Variants in ITGA11 observed in about 807,000 individuals in gnomAD.
The protein encoded by ITGA11 is integrin alpha-11.
Under a neutral mutation model 141.9 loss-of-function variants are expected in ITGA11, and 97 were observed. That is an observed-to-expected ratio of 0.68 (90% CI 0.58 to 0.81). ITGA11 has a LOEUF of 0.81. ITGA11 is among the 30% of genes least tolerant of loss of function. The pLI is 0.00. For missense variants in ITGA11, 1,387 were observed against 1,559.2 expected (o/e 0.89, Z 1.86); for synonymous variants, 658 against 624.6 (o/e 1.05, Z -0.80).
In ITGA11 at chr15:68,316,457, C is replaced by A. The variant is rs138676020; in HGVS notation, c.2716-730G>T. On this transcript the variant is annotated intron_variant, in intron 21 of 29. Transcript: ENST00000315757. The stretch of plus-strand genomic sequence containing the variant: ...GGAGACCTCAGCGGCCCCTTCTCTG[C>A]AGGAGTGGCTGGGCGTGGGTGGGGA... Among the ~76,000 whole-genome samples, 8 of 152,368 alleles carry A rather than the reference C, an allele frequency of 5.3e-5. No individual in the cohort carries two copies. In the East Asian group the frequency reaches 1.5e-3, roughly 29 times the overall value.
rs189531907 is a variant in ITGA11 at position 68,429,909 on chromosome 15, T to A, written c.52+2106A>T. Among the ~76,000 whole-genome samples the A allele has an allele frequency of 1.2e-3, 176 of 152,322 alleles. 4 individuals are homozygous for A. The highest frequency in any genetic ancestry group is 0.011 in the Admixed American group (176 of 15,306). On this transcript the variant is annotated intron_variant, in intron 1 of 29. Transcript: ENST00000315757. ...CTCCAGGAAGCCTTCCTTGCTTATC[T>A]GGCTGAAATTGAACTTCTCTTGTTT...
intron 2 of ITGA11, among the ~76,000 whole-genome samples, chr15:68,396,554 C>T (rs1896246648): frequency 6.6e-6 from 1 of 151,638 alleles, no homozygotes; most frequent in African/African-American, 2.4e-5. Flanking sequence ...TCTTTTTGAC[C>T]TTGCACTGAA....
At chr15:68,357,893 G>A (rs528908923) in intron 6 of ITGA11, among the ~76,000 whole-genome samples, 10 of 152,244 alleles carry the variant, frequency 6.6e-5, no homozygotes, top group Admixed American at 5.9e-4. Context: ...CTGGTGATGG[G>A]GAACTCATTA....
intron 7 of ITGA11, among the ~76,000 whole-genome samples, chr15:68,354,539 G>A (rs907502571): frequency 6.6e-6 from 1 of 152,210 alleles, no homozygotes; most frequent in Non-Finnish European, 1.5e-5. Context: ...GTGGTCAAAA[G>A]GAGCACATCT....
In ITGA11 at chr15:68,304,162, C is replaced by A. The variant is rs1344216304; in HGVS notation, c.3382-277G>T. ...GGCCCCCGCCACTCCCTGGATCCTC[C>A]TCCCACCACATGGGCTACTCCTTCT... On this transcript the variant is annotated intron_variant, in intron 28 of 29. Coordinates refer to ENST00000315757, the MANE Select transcript of ITGA11 (RefSeq NM_001004439.2). This position sits in a 1 kb window ranked among gnomAD's most constrained non-coding sequence, Gnocchi z 6.1. 6.6e-6 allele frequency among the ~76,000 whole-genome samples: 1 copy of A among 152,228 alleles called. No individual in the cohort carries two copies. Among genetic ancestry groups the A allele is most frequent in the African/African-American group, 2.4e-5 (1 of 41,464 alleles).
intron 6 of ITGA11, among the ~76,000 whole-genome samples, chr15:68,357,747 T>A (rs1474833667): frequency 6.6e-6 from 1 of 152,098 alleles, no homozygotes; most frequent in African/African-American, 2.4e-5. Flanking sequence ...AGCATCAAAA[T>A]AAACAAAAAG....
At chr15:68,344,554 G>A (rs1894682098) in intron 10 of ITGA11, among the ~76,000 whole-genome samples, 1 of 152,052 alleles carries the variant, frequency 6.6e-6, no homozygotes, top group African/African-American at 2.4e-5. Context: ...AGCTCATCTG[G>A]GATGTTTATA....
chr15:68,363,906 G>A (rs951226493), intron 4 of ITGA11, among the ~76,000 whole-genome samples: 1 of 152,172 alleles, frequency 6.6e-6, no homozygotes, highest in Non-Finnish European at 1.5e-5. Context: ...GCCTGCTGCT[G>A]TCTGTCCCCC....
At chr15:68,389,210 C>T (rs1268923160) in intron 2 of ITGA11, among the ~76,000 whole-genome samples, 2 of 152,218 alleles carry the variant, frequency 1.3e-5, no homozygotes, top group Non-Finnish European at 2.9e-5. Context: ...TGGAAATTAA[C>T]TCTCTCTCCC....
intron 1 of ITGA11, among the ~76,000 whole-genome samples, chr15:68,405,657 C>T (rs747211101): frequency 8.6e-5 from 13 of 152,020 alleles, no homozygotes; most frequent in Non-Finnish European, 1.3e-4. Context: ...AACACAGGTC[C>T]CTGGCCAGTG....
chr15:68,379,051 G>T (rs1374171490), intron 2 of ITGA11, among the ~76,000 whole-genome samples: 1 of 152,202 alleles, frequency 6.6e-6, no homozygotes, highest in East Asian at 1.9e-4. Context: ...AATAAAAGTA[G>T]CCAACTTGTG....
intron 7 of ITGA11, 111 bp from the exon 8 acceptor site, chr15:68,351,513 C>T: frequency 8.2e-7 from 1 of 1,216,210 alleles, no homozygotes; most frequent in Non-Finnish European, 1.2e-6. Context: ...CCTCCTTGGG[C>T]AACCCAACAG....
chr15:68,321,380 G>A lies in ITGA11; in HGVS notation c.2408+38C>T. On this transcript the variant is annotated intron_variant, in intron 19 of 29. Transcript: ENST00000315757. This position sits in a 1 kb window ranked among gnomAD's most constrained non-coding sequence, Gnocchi z 4.9. ...GCCCCAGAGCCTCTGGCAGTGAAGG[G>A]GAAGGGGCGAGGGTGGGGGTGGAAG... The A allele has an allele frequency of 7.3e-7, 1 of 1,377,214 alleles. No individual in the cohort carries two copies. Among genetic ancestry groups the A allele is most frequent in the Non-Finnish European group, 9.9e-7 (1 of 1,007,416 alleles). 85.3% of individuals were successfully genotyped at this position (1,377,214 alleles called of 1,614,324 possible). A position where few individuals can be genotyped will look rare whatever the true frequency, so the allele number is the denominator to read the frequency against.
chr15:68,317,193 C>A lies in ITGA11; in HGVS notation c.2715+72G>T, dbSNP rs141768414. 8.8e-4 allele frequency: 945 copies of A among 1,068,666 alleles called. 8 individuals carry two copies. In the African/African-American group the frequency reaches 0.014, roughly 16 times the overall value. The allele number at this position is 1,068,666 out of a possible 1,614,324, so 66.2% of individuals were successfully genotyped here. Reference sequence around the variant, plus strand: ...TCTGTGTTCACTCTTGTTGCTCTTGCCGCCCTCCCCAAACTACCTGTGCCT... The same window carrying A: ...TCTGTGTTCACTCTTGTTGCTCTTGACGCCCTCCCCAAACTACCTGTGCCT... On this transcript the variant is annotated intron_variant, in intron 21 of 29. Coordinates refer to ENST00000315757, the MANE Select transcript of ITGA11 (RefSeq NM_001004439.2).
chr15:68,317,430 C>G, intron 20 of ITGA11, 67 bp from the exon 21 acceptor site: 1 of 1,108,958 alleles, frequency 9.0e-7, no homozygotes, highest in South Asian at 1.2e-5. Context: ...TCGAGGCTCC[C>G]TCACCCCCAG....
chr15:68,380,796 CT>C (rs1479084546), intron 2 of ITGA11, among the ~76,000 whole-genome samples: 1 of 152,162 alleles, frequency 6.6e-6, no homozygotes, highest in African/African-American at 2.4e-5. Flanking sequence ...CTTCATGGAG[CT>C]TGTGGCAGAG....
chr15:68,380,754 G>A (rs746424989), intron 2 of ITGA11, among the ~76,000 whole-genome samples: 5 of 152,130 alleles, frequency 3.3e-5, no homozygotes, highest in Non-Finnish European at 5.9e-5. Flanking sequence ...CTGGGCCTGA[G>A]GTGGGATCTG....
In ITGA11 at chr15:68,431,999, G is replaced by A. The variant is rs1169854455; in HGVS notation, c.52+16C>T. On this transcript the variant is annotated intron_variant, in intron 1 of 29. Coordinates refer to ENST00000315757, the MANE Select transcript of ITGA11 (RefSeq NM_001004439.2). ...GGACTCCGAGAGGCAAGGGGAGGCA[G>A]AGGGTGGGCACCTACCTGGCCACAG... 4.8e-5 allele frequency: 63 copies of A among 1,304,100 alleles called. No individual in the cohort carries two copies. The highest frequency in any genetic ancestry group is 6.1e-5 in the Non-Finnish European group (62 of 1,021,574). The allele number at this position is 1,304,100 out of a possible 1,614,324, so 80.8% of individuals were successfully genotyped here. A position where few individuals can be genotyped will look rare whatever the true frequency, so the allele number is the denominator to read the frequency against.
intron 3 of ITGA11, chr15:68,365,006 G>A: frequency 3.0e-6 from 1 of 332,430 alleles, no homozygotes; most frequent in Non-Finnish European, 3.4e-6. Flanking sequence ...GAGTCTCAGA[G>A]AGGCCAAACA....
Sources: gnomAD v4.1 joint callset for allele counts (sites outside exome capture counted in the v4.1 genomes callset) on GRCh38, gnomAD v4.1.1 for gene constraint, Gnocchi (gnomAD v3.1) non-coding constraint, MANE v1.5 for transcripts, NCBI Gene and HGNC (gene_info 2026-07-23, HGNC 2026-07-21) for gene names.